The following PYHIN1 variants were observed in gnomAD, a reference collection of about 807,000 sequenced individuals.
PYHIN1 encodes pyrin and HIN domain family member 1, also known as pyrin and HIN domain-containing protein 1.
In PYHIN1, 32 loss-of-function variants were observed where a neutral mutation model predicts 43.7. That is an observed-to-expected ratio of 0.73 (90% CI 0.55 to 0.98). The LOEUF (loss-of-function observed/expected upper bound fraction) is 0.98, where lower values mean the gene tolerates loss of function less well. Ranked by LOEUF, PYHIN1 falls within the 50% of genes least tolerant of loss-of-function variation. The pLI is 0.00. For synonymous variants in PYHIN1, 205 were observed against 203.1 expected (o/e 1.01, Z -0.08); for missense variants, 588 against 589.5 (o/e 1.00, Z 0.03).
intron 7 of PYHIN1, among the ~76,000 whole-genome samples, chr1:158,960,464 C>T (rs548194220): frequency 1.3e-5 from 2 of 152,340 alleles, no homozygotes; most frequent in East Asian, 3.9e-4. Flanking sequence ...ACAGCAATCC[C>T]AGGAGGATAT....
Position 158,976,730 on chromosome 1 carries a change from A to T in PYHIN1, c.*35A>T, listed in dbSNP as rs768775360. 6.9e-6 allele frequency: 11 copies of T among 1,603,678 alleles called. No individual in the cohort carries two copies. The highest frequency in any genetic ancestry group is 1.1e-5 in the South Asian group (1 of 88,820). The stretch of plus-strand genomic sequence containing the variant: ...CCAAGGACAAGGATATCAAATAACT[A>T]CTGTTCAATCTTTACTCAAGTGTGG... On this transcript the variant is annotated 3_prime_UTR_variant, in exon 9 of 9. Coordinates refer to ENST00000368140, the MANE Select transcript of PYHIN1 (RefSeq NM_152501.5).
downstream of PYHIN1, among the ~76,000 whole-genome samples, chr1:158,980,317 T>C (rs749270559): frequency 2.1e-4 from 32 of 152,062 alleles, no homozygotes; most frequent in Non-Finnish European, 3.2e-4. Context: ...AAATATGAAA[T>C]CAGTGCATCT....
At chr1:158,975,575 G>C (rs956497221) in intron 8 of PYHIN1, among the ~76,000 whole-genome samples, 1 of 151,966 alleles carries the variant, frequency 6.6e-6, no homozygotes, top group Non-Finnish European at 1.5e-5. Flanking sequence ...GCTTCTACTG[G>C]GTAAAGCTGG....
At chr1:158,985,980 G>T in the PYHIN1 span, among the ~76,000 whole-genome samples, 1 of 152,064 alleles carries the variant, frequency 6.6e-6, no homozygotes, top group African/African-American at 2.4e-5. Flanking sequence ...TGAAATTTTT[G>T]TAGTGAGTTT....
intron 7 of PYHIN1, among the ~76,000 whole-genome samples, chr1:158,967,812 T>C (rs1650712628): frequency 6.6e-6 from 1 of 152,016 alleles, no homozygotes; most frequent in Non-Finnish European, 1.5e-5. Context: ...CACTGGATCT[T>C]TGACAAAGTT....
At chr1:158,968,944 G>A (rs115203722) in intron 7 of PYHIN1, among the ~76,000 whole-genome samples, 1,578 of 151,962 alleles carry the variant, frequency 0.01, 34 homozygotes, top group African/African-American at 0.036. Context: ...TTCTTAGTGG[G>A]TATCAAGCTT....
the PYHIN1 span, among the ~76,000 whole-genome samples, chr1:158,987,189 A>T: frequency 6.6e-6 from 1 of 152,192 alleles, no homozygotes; most frequent in Non-Finnish European, 1.5e-5. Flanking sequence ...AGCAGTGTAG[A>T]AAAGTCCTAA....
intron 7 of PYHIN1, among the ~76,000 whole-genome samples, chr1:158,947,181 T>C (rs1286954312): frequency 6.6e-6 from 1 of 152,240 alleles, no homozygotes; most frequent in Admixed American, 6.5e-5. Flanking sequence ...TTATCATTAG[T>C]TAAGTATATT....
chr1:158,939,361 T>G, intron 4 of PYHIN1, 114 bp downstream of exon 4: 1 of 1,605,240 alleles, frequency 6.2e-7, no homozygotes, highest in Non-Finnish European at 8.5e-7. Context: ...ATCAAATGTA[T>G]AGACTGAGAA....
Position 158,952,198 on chromosome 1 carries a change from G to C in PYHIN1, c.1359+7156G>C, listed in dbSNP as rs371636440. Among the ~76,000 whole-genome samples the C allele has an allele frequency of 2.0e-4, 30 of 148,980 alleles. 1 individual carries two copies. The East Asian group carries it at 3.6e-3, about 18-fold the overall frequency. ...AAGTGCCTCCTGCCCCTCCCCAGCAGTCTAGCTCCTGCAGCTGGGCCTGGC... is the reference window on the plus strand; with the variant it reads ...AAGTGCCTCCTGCCCCTCCCCAGCACTCTAGCTCCTGCAGCTGGGCCTGGC... On this transcript the variant is annotated intron_variant, in intron 7 of 8. Coordinates refer to ENST00000368140, the MANE Select transcript of PYHIN1 (RefSeq NM_152501.5).
At chr1:158,960,021 G>A (rs2101705286) in intron 7 of PYHIN1, among the ~76,000 whole-genome samples, 1 of 152,262 alleles carries the variant, frequency 6.6e-6, no homozygotes, top group African/African-American at 2.4e-5. Context: ...TCTCACCCAA[G>A]CCCTAAGCTG....
At chr1:158,944,848 A>G (rs974728052) in intron 6 of PYHIN1, 27 bp from the exon 7 acceptor site, 2 of 1,503,742 alleles carry the variant, frequency 1.3e-6, no homozygotes, top group Non-Finnish European at 1.8e-6. Context: ...ATTAAAAAAC[A>G]TTAAACAAAA....
Position 158,937,141 on chromosome 1 carries a change from C to G in PYHIN1, c.231C>G (p.Asp77Glu). The G allele has an allele frequency of 6.2e-7, 1 of 1,603,240 alleles. No homozygotes were observed. Residue 77 changes from aspartate (D) to glutamate (E), a missense_variant, in exon 2 of 9, where the codon GAC becomes GAG. By Grantham distance (45) the Asp-to-Glu change is conservative. Transcript: ENST00000368140. The stretch of plus-strand genomic sequence containing the variant: ...TCAAAGAAATACCAACACTGGGAGA[C>G]CTTGCTGAAACTCTTAAAAGAGAAA... ...EFFKEIPTLG[D>E]LAETLKREKL... is the part of the protein sequence containing the mutation.
chr1:158,968,709 G>T (rs572744620), intron 7 of PYHIN1, among the ~76,000 whole-genome samples: 2 of 151,964 alleles, frequency 1.3e-5, no homozygotes, highest in Admixed American at 6.5e-5. Context: ...GTCCATTGAC[G>T]TTAGACTGGA....
chr1:158,962,951 A>G (rs1420151826), intron 7 of PYHIN1, among the ~76,000 whole-genome samples: 1 of 152,062 alleles, frequency 6.6e-6, no homozygotes, highest in African/African-American at 2.4e-5. Context: ...AAAGACCCCG[A>G]GAGTTTCACC....
At position 158,937,067 on chromosome 1, in the gene PYHIN1, G is replaced by A. The variant is rs775976051; in HGVS notation, c.157G>A (p.Glu53Lys). ...CAAAATTCAGATTGCTGACTTGATG[G>A]AGGAAAAGTTCCCAGGTGATGCCGG... is the stretch of plus-strand genomic sequence containing the variant. The part of the protein sequence containing the change: ...YDKIQIADLM[E>K]EKFPGDAGLG... The change falls in exon 2 of 9, where the codon GAG (glutamate) becomes AAG (lysine). Residue 53 changes from glutamate (E) to lysine (K), a missense_variant. Glu to Lys is a moderately conservative substitution (Grantham distance 56, BLOSUM62 1). Transcript: ENST00000368140. 5 of 1,614,172 alleles carry A rather than the reference G, an allele frequency of 3.1e-6. No homozygotes were observed. Among genetic ancestry groups the A allele is most frequent in the Middle Eastern group, 3.3e-4 (2 of 6,062 alleles).
intron 2 of PYHIN1, 100 bp downstream of exon 2, chr1:158,937,275 C>T: frequency 1.6e-6 from 2 of 1,286,760 alleles, no homozygotes; most frequent in Non-Finnish European, 2.1e-6. Flanking sequence ...ATCCTTTTCC[C>T]AATTTGTGAC....
At chr1:158,951,994 A>G (rs1649559394) in intron 7 of PYHIN1, among the ~76,000 whole-genome samples, 1 of 152,224 alleles carries the variant, frequency 6.6e-6, no homozygotes. Context: ...GCTTGTATAC[A>G]AGGAGCACAT....
At chr1:158,973,899 C>A in intron 8 of PYHIN1, 128 bp downstream of exon 8, 2 of 1,095,108 alleles carry the variant, frequency 1.8e-6, no homozygotes, top group Admixed American at 2.7e-5. Context: ...ATTTCTCATT[C>A]ATTTATCAAT....
Sources: gnomAD v4.1 joint callset for allele counts (sites outside exome capture counted in the v4.1 genomes callset) on GRCh38, gnomAD v4.1.1 for gene constraint, MANE v1.5 for transcripts, NCBI Gene and HGNC (gene_info 2026-07-23, HGNC 2026-07-21) for gene names.